Variants in LSAMP observed in about 807,000 individuals in gnomAD.
LSAMP encodes limbic system associated membrane protein.
Under a neutral mutation model 38.6 loss-of-function variants are expected in LSAMP, and 7 were observed. The observed-to-expected ratio is 0.18, with a 90% CI of 0.10 to 0.34. LSAMP has a LOEUF of 0.34. Ranked by LOEUF, LSAMP falls within the 10% of genes least tolerant of loss-of-function variation. The pLI is 1.00. For synonymous variants in LSAMP, 154 were observed against 166.8 expected, an observed-to-expected ratio of 0.92 and a Z score of 0.59; for missense variants, 313 against 420.0, an observed-to-expected ratio of 0.75 and a Z score of 2.23.
intron 1 of LSAMP, among the ~76,000 whole-genome samples, chr3:116,249,344 A>T (rs2046648196): frequency 6.6e-6 from 1 of 151,766 alleles, no homozygotes; most frequent in Non-Finnish European, 1.5e-5. Flanking sequence ...CTTATCCTGG[A>T]AGCTAGTAGT....
chr3:115,837,282 G>C (rs1934819561), intron 6 of LSAMP, among the ~76,000 whole-genome samples: 1 of 139,818 alleles, frequency 7.2e-6, no homozygotes, highest in Non-Finnish European at 1.6e-5. Flanking sequence ...ATGCAGCAAA[G>C]CCCAGTGTAG....
At chr3:116,194,977 A>G (rs1246889464) in intron 1 of LSAMP, among the ~76,000 whole-genome samples, 1 of 152,194 alleles carries the variant, frequency 6.6e-6, no homozygotes, top group Non-Finnish European at 1.5e-5. Flanking sequence ...TTTCTGAATC[A>G]CTGTGCAGCA....
At chr3:116,382,621 G>C (rs1352747586) in intron 1 of LSAMP, among the ~76,000 whole-genome samples, 3 of 151,884 alleles carry the variant, frequency 2.0e-5, no homozygotes, top group Non-Finnish European at 2.9e-5. Flanking sequence ...ACCTGCACTT[G>C]TGCACATGTA....
In LSAMP at chr3:116,232,303, C is replaced by T. The variant is rs529424281; in HGVS notation, c.156-145747G>A. On this transcript the variant is annotated intron_variant, in intron 1 of 6. Coordinates refer to ENST00000490035, the MANE Select transcript of LSAMP (RefSeq NM_002338.5). Reference sequence around the variant, plus strand: ...ACCAGGTAACAGCTTTCCAGGAAAACGATAGTAAGTGTGATCGTATGACTT... The same window carrying T: ...ACCAGGTAACAGCTTTCCAGGAAAATGATAGTAAGTGTGATCGTATGACTT... Among the ~76,000 whole-genome samples, 6 of 152,256 alleles carry T rather than the reference C, an allele frequency of 3.9e-5. No homozygotes were observed. The South Asian group carries it at 6.2e-4, about 16-fold the overall frequency.
intron 1 of LSAMP, among the ~76,000 whole-genome samples, chr3:116,333,216 T>A (rs531722017): frequency 6.6e-6 from 1 of 152,198 alleles, no homozygotes; most frequent in South Asian, 2.1e-4. Flanking sequence ...ATGATTGACC[T>A]ACATTAGGCC....
At chr3:115,838,845 T>A (rs1289472977) in intron 6 of LSAMP, among the ~76,000 whole-genome samples, 1 of 152,234 alleles carries the variant, frequency 6.6e-6, no homozygotes, top group South Asian at 2.1e-4. Flanking sequence ...AAAAGTCAGC[T>A]CATCACTGTG....
intron 1 of LSAMP, among the ~76,000 whole-genome samples, chr3:116,366,210 C>T (rs2048351595): frequency 6.6e-6 from 1 of 151,548 alleles, no homozygotes; most frequent in Non-Finnish European, 1.5e-5. Flanking sequence ...GGGCAAATAA[C>T]ATAAACAGAC....
intron 1 of LSAMP, among the ~76,000 whole-genome samples, chr3:116,373,732 G>C (rs2048461322): frequency 6.6e-6 from 1 of 151,866 alleles, no homozygotes; most frequent in Non-Finnish European, 1.5e-5. Context: ...TGAATATATG[G>C]AATTGGAACT....
intron 1 of LSAMP, among the ~76,000 whole-genome samples, chr3:116,437,866 G>A (rs192642861): frequency 1.1e-3 from 164 of 152,130 alleles, no homozygotes; most frequent in Non-Finnish European, 5.4e-4. Flanking sequence ...TTTGGATAAC[G>A]AACTAAATTT....
At chr3:115,934,788 C>T (rs965641741) in intron 3 of LSAMP, among the ~76,000 whole-genome samples, 3 of 152,112 alleles carry the variant, frequency 2.0e-5, no homozygotes, top group Non-Finnish European at 2.9e-5. Context: ...TTTTCTGGGC[C>T]TCTGTGTCAT....
chr3:115,866,130 A>G (rs1470829075), intron 3 of LSAMP, among the ~76,000 whole-genome samples: 1 of 152,180 alleles, frequency 6.6e-6, no homozygotes, highest in African/African-American at 2.4e-5. Flanking sequence ...TTACACAGAT[A>G]GTAAATGGCA....
chr3:116,031,860 A>G (rs1940933038), intron 2 of LSAMP, among the ~76,000 whole-genome samples: 4 of 151,982 alleles, frequency 2.6e-5, no homozygotes, highest in African/African-American at 7.2e-5. Context: ...ATTTCCTTCT[A>G]AACAAATAGA....
chr3:116,184,409 T>A (rs561941888), intron 1 of LSAMP, among the ~76,000 whole-genome samples: 1 of 151,916 alleles, frequency 6.6e-6, no homozygotes, highest in Admixed American at 6.6e-5. Context: ...TTACACTGAA[T>A]CTTGGAGGTA....
chr3:115,850,911 G>A (rs1286634090), intron 4 of LSAMP, among the ~76,000 whole-genome samples: 1 of 152,114 alleles, frequency 6.6e-6, no homozygotes, highest in African/African-American at 2.4e-5. Context: ...GACTAATGAT[G>A]CTTATCTCAT....
chr3:116,052,216 A>T (rs1457496355), intron 2 of LSAMP, among the ~76,000 whole-genome samples: 1 of 152,090 alleles, frequency 6.6e-6, no homozygotes, highest in Non-Finnish European at 1.5e-5. Context: ...CAATGAAAAG[A>T]AAGGAGGAGA....
intron 1 of LSAMP, among the ~76,000 whole-genome samples, chr3:116,195,970 A>T (rs1440807907): frequency 6.6e-6 from 1 of 152,236 alleles, no homozygotes; most frequent in Non-Finnish European, 1.5e-5. Flanking sequence ...AAATGAAAAT[A>T]GAATACTATT....
intron 4 of LSAMP, among the ~76,000 whole-genome samples, chr3:115,852,250 C>G (rs1016204263): frequency 3.3e-5 from 5 of 152,178 alleles, no homozygotes; most frequent in Non-Finnish European, 4.4e-5. Context: ...ATTCTTTAGT[C>G]TGAGTAGAAA....
At chr3:116,199,261 T>C (rs1190241950) in intron 1 of LSAMP, among the ~76,000 whole-genome samples, 1 of 151,968 alleles carries the variant, frequency 6.6e-6, no homozygotes, top group African/African-American at 2.4e-5. Context: ...TGTTAAGAAA[T>C]ACATGGTTAA....
At chr3:116,164,591 AT>A (rs1709986297) in intron 1 of LSAMP, among the ~76,000 whole-genome samples, 4 of 99,054 alleles carry the variant, frequency 4.0e-5, no homozygotes, top group East Asian at 3.3e-4. Flanking sequence ...ATATATATAT[AT>A]ATAATCCAAA....
Sources: allele counts gnomAD v4.1 joint callset (sites outside exome capture counted in the v4.1 genomes callset), GRCh38; gene constraint gnomAD v4.1.1; transcripts MANE v1.5; gene names NCBI Gene and HGNC (gene_info 2026-07-23, HGNC 2026-07-21).